Variants in PGCKA1 observed in about 807,000 individuals in gnomAD.
PGCKA1 encodes PDCD10 and GCKIII kinases associated 1, also known as PDCD10 and GCKIII kinases-associated protein 1.
the PGCKA1 span, among the ~76,000 whole-genome samples, chr4:37,491,658 A>G: frequency 6.6e-6 from 1 of 152,044 alleles, no homozygotes; most frequent in South Asian, 2.1e-4. Flanking sequence ...CCTTGGTGTG[A>G]GTTTATTTCC....
At chr4:37,580,287 A>G in the PGCKA1 span, among the ~76,000 whole-genome samples, 1 of 133,268 alleles carries the variant, frequency 7.5e-6, no homozygotes, top group East Asian at 2.1e-4. Context: ...AGCTTTAGTT[A>G]GTTCTTTCGG....
At chr4:37,559,862 C>T in the PGCKA1 span, among the ~76,000 whole-genome samples, 1 of 152,198 alleles carries the variant, frequency 6.6e-6, no homozygotes, top group South Asian at 2.1e-4. Flanking sequence ...GGTCCCCTCA[C>T]TCTGTGTCTC....
the PGCKA1 span, among the ~76,000 whole-genome samples, chr4:37,559,247 A>G: frequency 8.7e-6 from 1 of 115,322 alleles, no homozygotes; most frequent in Non-Finnish European, 1.8e-5. Flanking sequence ...CATATACACC[A>G]TGGAATACTA....
chr4:37,504,268 A>G, the PGCKA1 span, among the ~76,000 whole-genome samples: 1 of 152,162 alleles, frequency 6.6e-6, no homozygotes, highest in African/African-American at 2.4e-5. Context: ...TGGGTTCTCT[A>G]TTCTGATCCA....
the PGCKA1 span, among the ~76,000 whole-genome samples, chr4:37,488,570 C>T: frequency 1.3e-5 from 2 of 152,254 alleles, no homozygotes; most frequent in East Asian, 3.9e-4. Flanking sequence ...TTACTTCCTT[C>T]TACCTTTCTC....
At chr4:37,572,048 C>CTTTTTTTTCTTTTTCTTTTTTTTTTTTT in the PGCKA1 span, among the ~76,000 whole-genome samples, 1 of 111,630 alleles carries the variant, frequency 9.0e-6, no homozygotes, top group Non-Finnish European at 1.8e-5. Context: ...AACTTCACAC[C>CTTTTTTTTCTTTTTCTTTTTTTTTTTTT]TTTTTTTTTT....
the PGCKA1 span, among the ~76,000 whole-genome samples, chr4:37,508,731 G>T: frequency 8.0e-6 from 1 of 125,694 alleles, no homozygotes; most frequent in African/African-American, 3.0e-5. Flanking sequence ...TTGCAGAGGG[G>T]GATTTGGCAG....
the PGCKA1 span, among the ~76,000 whole-genome samples, chr4:37,546,838 C>T: frequency 1.2e-4 from 18 of 152,188 alleles, no homozygotes; most frequent in East Asian, 1.5e-3. Context: ...TGGAACGCCT[C>T]GCCACAGCAG....
At chr4:37,463,346 A>G in the PGCKA1 span, among the ~76,000 whole-genome samples, 1 of 152,202 alleles carries the variant, frequency 6.6e-6, no homozygotes, top group Non-Finnish European at 1.5e-5. Flanking sequence ...TCCAAAGAGA[A>G]TAATAAAACA....
the PGCKA1 span, among the ~76,000 whole-genome samples, chr4:37,508,693 G>GTTTTTTTTTTTTTTTTTTTTTTTTT: frequency 1.2e-3 from 65 of 53,278 alleles, no homozygotes; most frequent in Admixed American, 2.2e-3. Context: ...CTTTTTTTTA[G>GTTTTTTTTTTTTTTTTTTTTTTTTT]TATTTATTGA....
chr4:37,469,035 A>G, the PGCKA1 span, among the ~76,000 whole-genome samples: 2 of 152,064 alleles, frequency 1.3e-5, no homozygotes, highest in African/African-American at 2.4e-5. Flanking sequence ...ATAATACCGT[A>G]TTTTTACTGT....
the PGCKA1 span, among the ~76,000 whole-genome samples, chr4:37,484,560 GCCTTC>G: frequency 1.3e-5 from 2 of 152,128 alleles, no homozygotes; most frequent in Admixed American, 1.3e-4. Context: ...GCTCCCCTTT[GCCTTC>G]CCTTATGATT....
the PGCKA1 span, among the ~76,000 whole-genome samples, chr4:37,585,242 G>A: frequency 7.0e-5 from 1 of 14,196 alleles, no homozygotes; most frequent in East Asian, 1.5e-3. Flanking sequence ...TATTGAGGGA[G>A]GGGAGGGGAG....
chr4:37,558,538 G>A, the PGCKA1 span, among the ~76,000 whole-genome samples: 1,963 of 152,074 alleles, frequency 0.013, 112 homozygotes, highest in East Asian at 0.14. Context: ...GTATGGGCAA[G>A]GACTTCATGT....
At chr4:37,523,122 T>A in the PGCKA1 span, among the ~76,000 whole-genome samples, 1 of 152,184 alleles carries the variant, frequency 6.6e-6, no homozygotes, top group African/African-American at 2.4e-5. Flanking sequence ...ACTTTGGCCC[T>A]CAGTGGCAAG....
chr4:37,492,094 T>G, the PGCKA1 span, among the ~76,000 whole-genome samples: 3 of 151,512 alleles, frequency 2.0e-5, no homozygotes, highest in Non-Finnish European at 2.9e-5. This position sits in a 1 kb window ranked among gnomAD's most constrained non-coding sequence, Gnocchi z 4.7. Flanking sequence ...CAGGCTGGAG[T>G]GCAGTGGCGT....
At chr4:37,541,063 G>GTTCAC in the PGCKA1 span, among the ~76,000 whole-genome samples, 7 of 151,778 alleles carry the variant, frequency 4.6e-5, no homozygotes, top group Middle Eastern at 3.4e-3. Flanking sequence ...GGCTGGCTGA[G>GTTCAC]TTCACCTTGA....
chr4:37,582,888 A>G, the PGCKA1 span, among the ~76,000 whole-genome samples: 1 of 152,180 alleles, frequency 6.6e-6, no homozygotes, highest in Non-Finnish European at 1.5e-5. Flanking sequence ...CCTACCATCC[A>G]TTGATACTTC....
chr4:37,496,820 A>T, the PGCKA1 span, among the ~76,000 whole-genome samples: 1 of 152,066 alleles, frequency 6.6e-6, no homozygotes, highest in East Asian at 1.9e-4. Context: ...CACCTCCCTG[A>T]TCATCTGTAT....
Sources: allele counts gnomAD v4.1 joint callset (sites outside exome capture counted in the v4.1 genomes callset), GRCh38; gene constraint gnomAD v4.1.1; non-coding constraint Gnocchi (gnomAD v3.1); transcripts MANE v1.5; gene names NCBI Gene and HGNC (gene_info 2026-07-23, HGNC 2026-07-21).